PTPRQ: variants seen among roughly 807,000 people sequenced by gnomAD.
PTPRQ encodes protein tyrosine phosphatase receptor type Q.
A neutral mutation model predicts 246.0 loss-of-function variants in PTPRQ; 199 were observed. The ratio of observed to expected loss-of-function variants is 0.81; its 90% CI spans 0.72 to 0.91. PTPRQ has a LOEUF of 0.91. Ranked by LOEUF, PTPRQ falls within the 40% of genes least tolerant of loss-of-function variation. The probability of loss-of-function intolerance (pLI) is 0.00; values close to 1 mark genes in which losing one functional copy is unlikely to be tolerated. For synonymous variants in PTPRQ, 869 were observed against 853.2 expected, an observed-to-expected ratio of 1.02 and a Z score of -0.32; for missense variants, 2,624 against 2,528.4, an observed-to-expected ratio of 1.04 and a Z score of -0.81.
rs893046028 is a variant in PTPRQ at position 80,669,439 on chromosome 12, C to G, written c.6428C>G (p.Thr2143Ser). Reference sequence around the variant, plus strand: ...ATGGAGGATGTTCAAATAGATTGGACTATCAGGGATCTGAAAATTGAAAGG... The same window carrying G: ...ATGGAGGATGTTCAAATAGATTGGAGTATCAGGGATCTGAAAATTGAAAGG... Reference protein sequence around the residue: ...KLMEDVQIDWTIRDLKIERHG... With the variant: ...KLMEDVQIDWSIRDLKIERHG... The change falls in exon 41 of 45, where the codon ACT becomes AGT. Residue 2143 changes from threonine (T) to serine (S), a missense_variant. Coordinates refer to ENST00000644991, the MANE Select transcript of PTPRQ (RefSeq NM_001145026.2). 3.9e-6 allele frequency: 6 copies of G among 1,544,834 alleles called. No individual in the cohort carries two copies. In the East Asian group the frequency reaches 1.5e-4, roughly 38 times the overall value.
intron 39 of PTPRQ, among the ~76,000 whole-genome samples, chr12:80,666,034 C>T (rs116365789): frequency 0.022 from 3,375 of 152,050 alleles, 117 homozygotes; most frequent in African/African-American, 0.078. Context: ...ATACAACCAT[C>T]ATTATGACCC....
chr12:80,546,730 T>G, intron 24 of PTPRQ, 33 bp downstream of exon 24: 1 of 1,539,814 alleles, frequency 6.5e-7, no homozygotes. Context: ...AAAATGTTTC[T>G]TTTTATATTT....
At chr12:80,501,105 G>A (rs1186781117) in intron 14 of PTPRQ, among the ~76,000 whole-genome samples, 1 of 151,868 alleles carries the variant, frequency 6.6e-6, no homozygotes, top group Admixed American at 6.6e-5. Context: ...TGTGGAGTTG[G>A]GGCAGAGCAG....
chr12:80,659,634 G>T (rs1372917808), intron 39 of PTPRQ, among the ~76,000 whole-genome samples: 1 of 151,918 alleles, frequency 6.6e-6, no homozygotes, highest in Non-Finnish European at 1.5e-5. Flanking sequence ...AGTAATTTTC[G>T]CAAACCCCCA....
At chr12:80,555,417 T>C (rs1896616063) in intron 25 of PTPRQ, among the ~76,000 whole-genome samples, 1 of 152,172 alleles carries the variant, frequency 6.6e-6, no homozygotes, top group Admixed American at 6.5e-5. Flanking sequence ...AATTCTTATA[T>C]ACCATTTAAT....
intron 3 of PTPRQ, 38 bp downstream of exon 3, chr12:80,445,755 T>C (rs151025918): frequency 7.6e-7 from 1 of 1,319,778 alleles, no homozygotes; most frequent in Non-Finnish European, 1.1e-6. Context: ...TGTTCAAACA[T>C]TTCATTCATT....
Position 80,673,319 on chromosome 12 carries a change from C to A in PTPRQ, c.6738+15C>A. ...TGCAGAATCTGGTAAGATCTCTAAA[C>A]CTGCACTGCATTCTAAAGTTCTAGA... is the stretch of plus-strand genomic sequence containing the variant. On this transcript the variant is annotated intron_variant, in intron 43 of 44. Transcript: ENST00000644991. 6.5e-7 allele frequency: 1 copy of A among 1,540,774 alleles called. No homozygotes were observed. Among genetic ancestry groups the A allele is most frequent in the South Asian group, 1.2e-5 (1 of 81,456 alleles).
At position 80,539,726 on chromosome 12, in the gene PTPRQ, A is replaced by G. The variant is rs1023274184; in HGVS notation, c.2986-50A>G. ...TGATAACAATTAGTTTGAAGTGTTC[A>G]TGCATACTAAAAAAATACATTCTGA... On this transcript the variant is annotated intron_variant, in intron 19 of 44. Transcript: ENST00000644991. 3.4e-6 allele frequency: 5 copies of G among 1,454,306 alleles called. No homozygotes were observed. The African/African-American group carries it at 5.8e-5, about 17-fold the overall frequency. The allele number at this position is 1,454,306 out of a possible 1,614,324, so 90.1% of individuals were successfully genotyped here.
chr12:80,599,162 A>G (rs1224155901), intron 26 of PTPRQ, among the ~76,000 whole-genome samples: 1 of 151,874 alleles, frequency 6.6e-6, no homozygotes, highest in Non-Finnish European at 1.5e-5. Context: ...CCCACATAAG[A>G]CCCACATTCC....
chr12:80,517,053 C>G (rs1401449931), intron 17 of PTPRQ, among the ~76,000 whole-genome samples: 1 of 152,120 alleles, frequency 6.6e-6, no homozygotes, highest in East Asian at 1.9e-4. Flanking sequence ...GACCAATGTT[C>G]TCTCTCAACT....
intron 25 of PTPRQ, among the ~76,000 whole-genome samples, chr12:80,571,390 G>A (rs1294858192): frequency 1.3e-5 from 2 of 152,110 alleles, no homozygotes; most frequent in Non-Finnish European, 2.9e-5. Context: ...TACCAGCCTT[G>A]GACTCCCAAA....
At chr12:80,534,410 T>C (rs997748582) in intron 18 of PTPRQ, among the ~76,000 whole-genome samples, 42 of 152,166 alleles carry the variant, frequency 2.8e-4, no homozygotes, top group African/African-American at 1.0e-3. Flanking sequence ...CTTCACAGGG[T>C]TCTTATGAAG....
At position 80,542,175 on chromosome 12, in the gene PTPRQ, A is replaced by G; in HGVS notation, c.3532A>G (p.Asn1178Asp). ...LLSWDPPVKP[N>D]GAIISYDLTL... is the part of the protein sequence containing the mutation. The stretch of plus-strand genomic sequence containing the variant: ...ATCATGGGATCCCCCAGTAAAGCCA[A>G]ATGGTGCAATAATAAGTTATGATTT... The change falls in exon 22 of 45, where the codon AAT (asparagine) becomes GAT (aspartate). Residue 1178 changes from asparagine to aspartate, a missense_variant. Asn to Asp is a conservative substitution (Grantham distance 23). Coordinates refer to ENST00000644991, the MANE Select transcript of PTPRQ (RefSeq NM_001145026.2). 1.3e-6 allele frequency: 2 copies of G among 1,551,152 alleles called. No individual in the cohort carries two copies. Among genetic ancestry groups the G allele is most frequent in the South Asian group, 2.4e-5 (2 of 84,010 alleles).
chr12:80,562,526 G>A (rs1298187459), intron 25 of PTPRQ, among the ~76,000 whole-genome samples: 4 of 152,098 alleles, frequency 2.6e-5, no homozygotes, highest in Admixed American at 2.6e-4. Context: ...TTCATAGATT[G>A]CAAAGGAAAT....
At chr12:80,544,377 G>A (rs1044878972) in intron 23 of PTPRQ, among the ~76,000 whole-genome samples, 1 of 152,144 alleles carries the variant, frequency 6.6e-6, no homozygotes, top group Admixed American at 6.6e-5. Context: ...AGCATGAAAT[G>A]ACAATATGCC....
chr12:80,463,097 G>C (rs1365422704), intron 6 of PTPRQ, among the ~76,000 whole-genome samples: 1 of 152,076 alleles, frequency 6.6e-6, no homozygotes, highest in Non-Finnish European at 1.5e-5. Context: ...CAAACCAAAG[G>C]CAAAGAAGTT....
chr12:80,448,529 C>G (rs1456407085), intron 3 of PTPRQ, among the ~76,000 whole-genome samples: 2 of 151,800 alleles, frequency 1.3e-5, no homozygotes, highest in Admixed American at 1.3e-4. Context: ...CCCCACTCCC[C>G]CCACCCCACA....
At chr12:80,621,698 T>A (rs1475510542) in intron 32 of PTPRQ, among the ~76,000 whole-genome samples, 1 of 152,036 alleles carries the variant, frequency 6.6e-6, no homozygotes. Context: ...GTATAACAGT[T>A]ATGCCTTTTA....
intron 3 of PTPRQ, among the ~76,000 whole-genome samples, chr12:80,447,737 C>T (rs1012910875): frequency 2.0e-5 from 3 of 150,470 alleles, no homozygotes. Context: ...TCTGGGTTTT[C>T]TATTCTCTTC....
Sources: gnomAD v4.1 joint callset for allele counts (sites outside exome capture counted in the v4.1 genomes callset) on GRCh38, gnomAD v4.1.1 for gene constraint, MANE v1.5 for transcripts, NCBI Gene and HGNC (gene_info 2026-07-23, HGNC 2026-07-21) for gene names.